Variants in TMEM108 observed in about 807,000 individuals in gnomAD.
The protein encoded by TMEM108 is cancer/testis antigen 124.
Under a neutral mutation model 35.1 loss-of-function variants are expected in TMEM108, and 12 were observed. The ratio of observed to expected loss-of-function variants is 0.34; its 90% CI spans 0.22 to 0.55. The LOEUF (loss-of-function observed/expected upper bound fraction) is 0.55. Among genes scored for constraint, TMEM108 ranks in the 20% least tolerant of loss-of-function variants. The pLI is 0.89. For missense variants in TMEM108, 680 were observed against 753.3 expected (o/e 0.90, Z 1.14); for synonymous variants, 287 against 308.6 (o/e 0.93, Z 0.73).
chr3:133,315,817 CA>C (rs2071191902), intron 3 of TMEM108, among the ~76,000 whole-genome samples: 2 of 152,180 alleles, frequency 1.3e-5, no homozygotes, highest in South Asian at 4.1e-4. Context: ...TACTTGTTTG[CA>C]AAATCACTTT....
intron 2 of TMEM108, among the ~76,000 whole-genome samples, chr3:133,218,735 A>G (rs982604873): frequency 5.3e-5 from 8 of 151,956 alleles, no homozygotes; most frequent in Admixed American, 3.3e-4. Flanking sequence ...AATTTCACTT[A>G]ATCTTGGTGA....
At chr3:133,250,791 T>G (rs978696920) in intron 3 of TMEM108, among the ~76,000 whole-genome samples, 1 of 152,312 alleles carries the variant, frequency 6.6e-6, no homozygotes, top group Admixed American at 6.5e-5. Flanking sequence ...AATATAATAA[T>G]TTACAACATA....
chr3:133,321,520 A>C (rs1262777493), intron 3 of TMEM108, among the ~76,000 whole-genome samples: 1 of 152,200 alleles, frequency 6.6e-6, no homozygotes, highest in Non-Finnish European at 1.5e-5. Context: ...TTTATAAAAC[A>C]ATTATTACTA....
intron 2 of TMEM108, among the ~76,000 whole-genome samples, chr3:133,169,135 A>G (rs950107654): frequency 5.3e-5 from 8 of 152,232 alleles, no homozygotes; most frequent in African/African-American, 1.9e-4. Context: ...TACTCCCAAG[A>G]TAACAGCATT....
chr3:133,305,092 A>C (rs1004153280), intron 3 of TMEM108, among the ~76,000 whole-genome samples: 3 of 152,036 alleles, frequency 2.0e-5, no homozygotes, highest in Non-Finnish European at 1.5e-5. Context: ...TCAAAGAAAG[A>C]AAAGAGGAAG....
At chr3:133,178,528 T>C (rs574905310) in intron 2 of TMEM108, among the ~76,000 whole-genome samples, 1 of 152,140 alleles carries the variant, frequency 6.6e-6, no homozygotes, top group South Asian at 2.1e-4. Flanking sequence ...ATCTGATCTT[T>C]GACAAACCTG....
intron 2 of TMEM108, among the ~76,000 whole-genome samples, chr3:133,178,882 A>G (rs1945283195): frequency 6.6e-6 from 1 of 152,032 alleles, no homozygotes; most frequent in Admixed American, 6.5e-5. Context: ...AACCTACAGA[A>G]TGGGAGAAAA....
rs12493210 is a variant in TMEM108, at chr3:133,140,222, A to G, written c.-46-89044A>G. On this transcript the variant is annotated intron_variant, in intron 2 of 5. Transcript: ENST00000321871. ...CCCACCTCTTTTTCATATAATTTAT[A>G]AGTTTTCTTTAAAACTTATTTTACA... 6.5e-3 allele frequency among the ~76,000 whole-genome samples: 994 copies of G among 152,296 alleles called. 10 individuals are homozygous for G. The highest frequency in any genetic ancestry group is 0.025 in the South Asian group (121 of 4,820).
intron 2 of TMEM108, among the ~76,000 whole-genome samples, chr3:133,176,026 T>C (rs549833074): frequency 3.3e-5 from 5 of 152,302 alleles, no homozygotes; most frequent in Admixed American, 3.3e-4. Flanking sequence ...GCAATCCTAG[T>C]CTTGGAAAAA....
At chr3:133,226,029 T>C (rs1203000781) in intron 2 of TMEM108, among the ~76,000 whole-genome samples, 1 of 152,222 alleles carries the variant, frequency 6.6e-6, no homozygotes, top group East Asian at 1.9e-4. Context: ...AGGTATACAT[T>C]GTTTTGGTCT....
chr3:133,340,563 A>G (rs1484113688), intron 3 of TMEM108, among the ~76,000 whole-genome samples: 11 of 151,842 alleles, frequency 7.2e-5, no homozygotes, highest in Admixed American at 5.9e-4. Flanking sequence ...AACTCATTCT[A>G]TAAGACCAGT....
chr3:133,113,599 T>C (rs1382422317), intron 2 of TMEM108, among the ~76,000 whole-genome samples: 2 of 152,128 alleles, frequency 1.3e-5, no homozygotes, highest in Non-Finnish European at 2.9e-5. Context: ...AGACAAGTAA[T>C]AATTTTAGGC....
rs1478401557 is a variant in TMEM108, at chr3:133,198,081, T to TA, written c.-46-31184dup. On this transcript the variant is annotated intron_variant, in intron 2 of 5. Coordinates refer to ENST00000321871, the MANE Select transcript of TMEM108 (RefSeq NM_023943.4). ...GTTTCCAGGCGTCATGCCCCTGAGGTACAAGAGAGAGCTCAGAAGGGTGAG... is the reference window on the plus strand; with the variant it reads ...GTTTCCAGGCGTCATGCCCCTGAGGTAACAAGAGAGAGCTCAGAAGGGTGAG... Among the ~76,000 whole-genome samples the TA allele has an allele frequency of 1.1e-4, 16 of 152,292 alleles. No homozygotes were observed. In the East Asian group the frequency reaches 2.9e-3, roughly 28 times the overall value.
At chr3:133,294,248 T>A (rs576264197) in intron 3 of TMEM108, among the ~76,000 whole-genome samples, 2 of 152,314 alleles carry the variant, frequency 1.3e-5, no homozygotes, top group Admixed American at 1.3e-4. Flanking sequence ...TCTTCCAACC[T>A]TAGGGTTATT....
intron 3 of TMEM108, among the ~76,000 whole-genome samples, chr3:133,324,591 A>G (rs2071306645): frequency 6.6e-6 from 1 of 152,230 alleles, no homozygotes. Flanking sequence ...TAGTACAACC[A>G]CTATGGAAAA....
chr3:133,142,249 T>C (rs1251161845), intron 2 of TMEM108, among the ~76,000 whole-genome samples: 2 of 152,106 alleles, frequency 1.3e-5, no homozygotes, highest in African/African-American at 4.8e-5. Context: ...TCCATGTACA[T>C]GGATAATGTG....
At chr3:133,224,138 A>T (rs1946032862) in intron 2 of TMEM108, among the ~76,000 whole-genome samples, 2 of 151,650 alleles carry the variant, frequency 1.3e-5, no homozygotes, top group Non-Finnish European at 2.9e-5. Flanking sequence ...TTCTCTTGTT[A>T]TTGATCATTT....
At chr3:133,236,764 T>C (rs1946243638) in intron 3 of TMEM108, among the ~76,000 whole-genome samples, 3 of 152,118 alleles carry the variant, frequency 2.0e-5, no homozygotes, top group African/African-American at 7.2e-5. Flanking sequence ...TAACTATATC[T>C]TTTTCAAGAG....
intron 2 of TMEM108, among the ~76,000 whole-genome samples, chr3:133,090,802 T>C (rs1943938256): frequency 6.6e-6 from 1 of 152,164 alleles, no homozygotes; most frequent in African/African-American, 2.4e-5. Context: ...ATATCTTACA[T>C]TTTCACACAT....
Sources: allele counts gnomAD v4.1 joint callset (sites outside exome capture counted in the v4.1 genomes callset), GRCh38; gene constraint gnomAD v4.1.1; transcripts MANE v1.5; gene names NCBI Gene and HGNC (gene_info 2026-07-23, HGNC 2026-07-21).